PTPN13: variants seen among roughly 807,000 people sequenced by gnomAD.
The protein encoded by PTPN13 is protein tyrosine phosphatase non-receptor type 13.
A neutral mutation model predicts 284.0 loss-of-function variants in PTPN13; 191 were observed. The observed-to-expected ratio is 0.67, with a 90% CI of 0.60 to 0.76. The LOEUF (loss-of-function observed/expected upper bound fraction) is 0.76. Among genes scored for constraint, PTPN13 ranks in the 30% least tolerant of loss-of-function variants. The probability of loss-of-function intolerance (pLI) is 0.00; values close to 1 mark genes in which losing one functional copy is unlikely to be tolerated. For missense variants in PTPN13, 2,797 were observed against 2,939.9 expected, an observed-to-expected ratio of 0.95 and a Z score of 1.12; for synonymous variants, 986 against 1,022.3, an observed-to-expected ratio of 0.96 and a Z score of 0.68.
In PTPN13 at chr4:86,705,333, C is replaced by CAAAAAAAAAAAAAAAAAAAAAAA. The variant is rs759784072; in HGVS notation, c.1195+3547_1195+3548insAAAAAAAAAAAAAAAAAAAAAAA. The stretch of plus-strand genomic sequence containing the variant: ...TGGGTGACAGAGCAAGACTCCGTCT[C>CAAAAAAAAAAAAAAAAAAAAAAA]AAAAAAAAAAAAAAAGACATGCGCA... On this transcript the variant is annotated intron_variant, in intron 7 of 47. Transcript: ENST00000411767. Among the ~76,000 whole-genome samples, 190 of 95,258 alleles carry CAAAAAAAAAAAAAAAAAAAAAAA rather than the reference C, an allele frequency of 2.0e-3. 7 individuals are homozygous for CAAAAAAAAAAAAAAAAAAAAAAA. Among genetic ancestry groups the CAAAAAAAAAAAAAAAAAAAAAAA allele is most frequent in the Non-Finnish European group, 3.5e-3 (161 of 46,312 alleles). 62.5% of individuals were successfully genotyped at this position (95,258 alleles called of 152,430 possible).
At chr4:86,776,965 A>G (rs1740726335) in intron 35 of PTPN13, among the ~76,000 whole-genome samples, 1 of 152,154 alleles carries the variant, frequency 6.6e-6, no homozygotes, top group African/African-American at 2.4e-5. Context: ...GATAGGATTA[A>G]TCCCACTGGA....
chr4:86,805,310 G>C lies in PTPN13; in HGVS notation c.6686G>C (p.Cys2229Ser), dbSNP rs758327772. The C allele has an allele frequency of 6.2e-7, 1 of 1,600,450 alleles. No homozygotes were observed. The highest frequency in any genetic ancestry group is 8.5e-7 in the Non-Finnish European group (1 of 1,170,372). ...CAAGAATTAAAACCTTTGGATCAGT[G>C]TCTAATTGGGCAAACTAAGGAAAAC... is the stretch of plus-strand genomic sequence containing the variant. ...NLQELKPLDQ[C>S]LIGQTKENRR... The change falls in exon 44 of 48, where the codon TGT becomes TCT. Residue 2229 changes from cysteine to serine, a missense_variant. By Grantham distance (112) the Cys-to-Ser change is moderately radical. Coordinates refer to ENST00000411767, the MANE Select transcript of PTPN13 (RefSeq NM_080683.3).
chr4:86,807,886 G>A lies in PTPN13; in HGVS notation c.7072G>A (p.Glu2358Lys). ...CTTTGTGGTGAGGGCAATGACCCTT[G>A]AAGATATTCAGGTAAGTGAATGAAA... ...KGFVVRAMTLEDIQTREVRHI... is the reference protein window; with the variant it reads ...KGFVVRAMTLKDIQTREVRHI... The change falls in exon 45 of 48, where the codon GAA becomes AAA. Residue 2358 changes from glutamate to lysine, a missense_variant. Physicochemically the swap from Glu to Lys is moderately conservative, Grantham distance 56. Transcript: ENST00000411767. 6.2e-7 allele frequency: 1 copy of A among 1,609,790 alleles called. No individual in the cohort carries two copies. Among genetic ancestry groups the A allele is most frequent in the Non-Finnish European group, 8.5e-7 (1 of 1,177,146 alleles).
chr4:86,781,440 C>T (rs1402187899), intron 36 of PTPN13, among the ~76,000 whole-genome samples: 1 of 152,040 alleles, frequency 6.6e-6, no homozygotes, highest in Non-Finnish European at 1.5e-5. Context: ...TTAAAATTAA[C>T]ATTTGGTTTA....
At chr4:86,731,512 C>G (rs1219599377) in intron 10 of PTPN13, among the ~76,000 whole-genome samples, 3 of 152,176 alleles carry the variant, frequency 2.0e-5, no homozygotes, top group African/African-American at 7.2e-5. Flanking sequence ...GATACTATCC[C>G]TAGTTGCCAC....
At chr4:86,659,522 A>G (rs1726230069) in intron 2 of PTPN13, among the ~76,000 whole-genome samples, 1 of 152,212 alleles carries the variant, frequency 6.6e-6, no homozygotes, top group African/African-American at 2.4e-5. Flanking sequence ...CACATTTCAA[A>G]TTTTTAAAAG....
intron 1 of PTPN13, among the ~76,000 whole-genome samples, chr4:86,625,183 T>G (rs181456280): frequency 6.6e-6 from 1 of 152,270 alleles, no homozygotes; most frequent in Admixed American, 6.6e-5. Context: ...TCCTATATCT[T>G]GGAACTTTCA....
intron 10 of PTPN13, among the ~76,000 whole-genome samples, chr4:86,724,434 T>C (rs150581286): frequency 2.1e-3 from 324 of 152,348 alleles, no homozygotes; most frequent in African/African-American, 7.4e-3. Context: ...TCATAAATTA[T>C]AGATCGTACC....
chr4:86,671,013 C>T (rs970674989), intron 2 of PTPN13, among the ~76,000 whole-genome samples: 1 of 152,204 alleles, frequency 6.6e-6, no homozygotes, highest in Non-Finnish European at 1.5e-5. Flanking sequence ...GTCTATAACA[C>T]CACTTCAGTG....
In PTPN13 at chr4:86,664,536, C is replaced by A. The variant is rs193172938; in HGVS notation, c.116-7829C>A. 4.9e-4 allele frequency among the ~76,000 whole-genome samples: 74 copies of A among 152,210 alleles called. No individual in the cohort carries two copies. In the South Asian group the frequency reaches 7.7e-3, roughly 16 times the overall value. On this transcript the variant is annotated intron_variant, in intron 2 of 47. Coordinates refer to ENST00000411767, the MANE Select transcript of PTPN13 (RefSeq NM_080683.3). ...CAAATTCTTTTTCTTGCAAATATTT[C>A]AATTAGATAATTCTAATGGCATTGT...
At chr4:86,758,125 T>C in intron 20 of PTPN13, 135 bp from the exon 21 acceptor site, 1 of 531,302 alleles carries the variant, frequency 1.9e-6, no homozygotes, top group Non-Finnish European at 3.3e-6. Flanking sequence ...GTTAACAGTA[T>C]CAGTAAACTT....
At chr4:86,636,515 A>G (rs1317150481) in intron 2 of PTPN13, among the ~76,000 whole-genome samples, 1 of 152,232 alleles carries the variant, frequency 6.6e-6, no homozygotes, top group African/African-American at 2.4e-5. Context: ...CCTGACAGAA[A>G]TAAGTAAGGA....
rs555278165 is a variant in PTPN13 at position 86,807,868 on chromosome 4, G to A, written c.7054G>A (p.Val2352Met). 5.6e-6 allele frequency: 9 copies of A among 1,613,810 alleles called. No individual in the cohort carries two copies. In the East Asian group the frequency reaches 1.8e-4, roughly 32 times the overall value. The change falls in exon 45 of 48, where the codon GTG (valine) becomes ATG (methionine). Residue 2352 changes from valine to methionine, a missense_variant. Coordinates refer to ENST00000411767, the MANE Select transcript of PTPN13 (RefSeq NM_080683.3). ...VRMQQLKGFV[V>M]RAMTLEDIQT... ...AATGCAGCAGCTGAAGGGCTTTGTG[G>A]TGAGGGCAATGACCCTTGAAGATAT...
At chr4:86,761,422 G>A (rs1397578588) in intron 23 of PTPN13, among the ~76,000 whole-genome samples, 1 of 151,964 alleles carries the variant, frequency 6.6e-6, no homozygotes, top group Non-Finnish European at 1.5e-5. Context: ...CATTGAAAAT[G>A]TATGTATTTC....
At chr4:86,730,149 A>G (rs1289640745) in intron 10 of PTPN13, among the ~76,000 whole-genome samples, 2 of 149,686 alleles carry the variant, frequency 1.3e-5, no homozygotes, top group African/African-American at 4.9e-5. Context: ...GGGTATCACC[A>G]GTGGATGCTG....
chr4:86,631,163 C>T (rs1175079862), intron 1 of PTPN13, among the ~76,000 whole-genome samples: 1 of 152,060 alleles, frequency 6.6e-6, no homozygotes, highest in Non-Finnish European at 1.5e-5. Flanking sequence ...ATCTGTACTC[C>T]CAAGTTACCT....
chr4:86,766,328 A>G, intron 26 of PTPN13, 104 bp from the exon 27 acceptor site: 3 of 796,688 alleles, frequency 3.8e-6, no homozygotes, highest in Non-Finnish European at 6.0e-6. Flanking sequence ...TTCTTCCAGA[A>G]TTTGCCTGAG....
chr4:86,699,319 G>C lies in PTPN13; in HGVS notation c.635-1922G>C, dbSNP rs368452786. The stretch of plus-strand genomic sequence containing the variant: ...GAGAATGGCGTGAACCTGGGAGGCG[G>C]AGCTTGCAGTGAGCCAAGATGGCGC... On this transcript the variant is annotated intron_variant, in intron 6 of 47. Coordinates refer to ENST00000411767, the MANE Select transcript of PTPN13 (RefSeq NM_080683.3). Among the ~76,000 whole-genome samples the C allele has an allele frequency of 1.6e-4, 25 of 152,124 alleles. No homozygotes were observed. In the East Asian group the frequency reaches 3.1e-3, roughly 19 times the overall value.
intron 15 of PTPN13, among the ~76,000 whole-genome samples, chr4:86,741,294 A>G (rs559957565): frequency 6.6e-6 from 1 of 152,354 alleles, no homozygotes; most frequent in East Asian, 1.9e-4. Flanking sequence ...AGAGAGCTTT[A>G]ATGGACTTAC....
Sources: gnomAD v4.1 joint callset for allele counts (sites outside exome capture counted in the v4.1 genomes callset) on GRCh38, gnomAD v4.1.1 for gene constraint, MANE v1.5 for transcripts, NCBI Gene and HGNC (gene_info 2026-07-23, HGNC 2026-07-21) for gene names.